The following SCAF8 variants were observed in gnomAD, a reference collection of about 807,000 sequenced individuals.
SCAF8 encodes the protein SR-related and CTD-associated factor 8.
In SCAF8, 23 loss-of-function variants were observed where a neutral mutation model predicts 140.5. That is an observed-to-expected ratio of 0.16 (90% confidence interval 0.12 to 0.23). The LOEUF is 0.23. Among genes scored for constraint, SCAF8 ranks in the 10% least tolerant of loss-of-function variants. SCAF8 has a pLI of 1.00. For missense variants in SCAF8, 1,397 were observed against 1,555.7 expected, an observed-to-expected ratio of 0.90 and a Z score of 1.72; for synonymous variants, 575 against 528.9, an observed-to-expected ratio of 1.09 and a Z score of -1.20.
At chr6:154,767,501 G>T (rs2114835030) in intron 1 of SCAF8, among the ~76,000 whole-genome samples, 2 of 138,924 alleles carry the variant, frequency 1.4e-5, no homozygotes, top group Admixed American at 1.4e-4. Flanking sequence ...GTTGCCTCTT[G>T]TTTGGCAGAA....
chr6:154,787,341 T>C (rs1298557907), intron 3 of SCAF8, among the ~76,000 whole-genome samples: 1 of 152,166 alleles, frequency 6.6e-6, no homozygotes, highest in East Asian at 1.9e-4. Context: ...CTGGATGACA[T>C]AGGATAGATC....
At position 154,798,985 on chromosome 6, in the gene SCAF8, TTTA is replaced by T. The variant is rs568396994; in HGVS notation, c.607-2977_607-2975del. On this transcript the variant is annotated intron_variant, in intron 6 of 19. Coordinates refer to ENST00000367178, the MANE Select transcript of SCAF8 (RefSeq NM_014892.5). Reference sequence around the variant, plus strand: ...GGTTAATTTTTTATTTTTATTTTATTTTATTATTATTTTTTGACATGGAGTCTT... The same window carrying T: ...GGTTAATTTTTTATTTTTATTTTATTTTATTATTTTTTGACATGGAGTCTT... 9.4e-4 allele frequency among the ~76,000 whole-genome samples: 141 copies of T among 150,528 alleles called. 2 individuals are homozygous for T. The highest frequency in any genetic ancestry group is 3.2e-3 in the African/African-American group (131 of 41,282).
Position 154,834,090 on chromosome 6 carries a change from C to T in SCAF8, c.*695C>T, listed in dbSNP as rs1048413943. 1 of 152,070 alleles carries T rather than the reference C, an allele frequency of 6.6e-6. No individual in the cohort carries two copies. The highest frequency in any genetic ancestry group is 1.5e-5 in the Non-Finnish European group (1 of 68,000). 9.4% of individuals were successfully genotyped at this position (152,070 alleles called of 1,614,324 possible). ...GTTCTAGGAATTGTATTTTTTTAAC[C>T]TATAAATTCTTAAAACCTTGAATTA... On this transcript the variant is annotated 3_prime_UTR_variant, in exon 20 of 20. Transcript: ENST00000367178.
chr6:154,735,303 C>G (rs774620046), intron 1 of SCAF8, among the ~76,000 whole-genome samples: 3 of 151,884 alleles, frequency 2.0e-5, no homozygotes, highest in African/African-American at 4.8e-5. Flanking sequence ...TAGGACAGTA[C>G]TTTTAAATGC....
intron 2 of SCAF8, among the ~76,000 whole-genome samples, chr6:154,775,000 GAT>G (rs1257263611): frequency 6.6e-6 from 1 of 152,108 alleles, no homozygotes; most frequent in African/African-American, 2.4e-5. Flanking sequence ...AATATTCAGT[GAT>G]ATGTTTTCCT....
At chr6:154,800,207 G>T (rs746352854) in intron 6 of SCAF8, among the ~76,000 whole-genome samples, 5 of 150,798 alleles carry the variant, frequency 3.3e-5, no homozygotes, top group East Asian at 3.9e-4. Flanking sequence ...TAATTACTTG[G>T]TTTTTTTTCT....
chr6:154,808,593 C>G (rs551110260), intron 10 of SCAF8, 93 bp from the exon 11 acceptor site: 2 of 801,250 alleles, frequency 2.5e-6, no homozygotes, highest in African/African-American at 3.4e-5. Context: ...CATTAATGCT[C>G]CCATCGTCAA....
At chr6:154,741,567 C>T (rs781259841) in intron 1 of SCAF8, among the ~76,000 whole-genome samples, 10 of 152,062 alleles carry the variant, frequency 6.6e-5, no homozygotes, top group Non-Finnish European at 1.2e-4. Context: ...CCACCACACC[C>T]GGCTAATTTT....
At chr6:154,770,388 A>ACTCTCTCTCTCTCTCTCTCTCTCT (rs58596375) in intron 1 of SCAF8, among the ~76,000 whole-genome samples, 4 of 141,918 alleles carry the variant, frequency 2.8e-5, no homozygotes, top group African/African-American at 1.0e-4. Context: ...ACACACACAC[A>ACTCTCTCTCTCTCTCTCTCTCTCT]CTCTCTCTCT....
chr6:154,778,546 C>G (rs2351850), intron 3 of SCAF8, among the ~76,000 whole-genome samples: 33,034 of 152,096 alleles, frequency 0.22, 4,284 homozygotes, highest in East Asian at 0.64. Context: ...GGGTGGATCA[C>G]TTGAGGCCAG....
At chr6:154,803,718 T>G in intron 8 of SCAF8, 95 bp downstream of exon 8, 1 of 737,926 alleles carries the variant, frequency 1.4e-6, no homozygotes, top group Admixed American at 2.4e-5. Flanking sequence ...GGGATTATTA[T>G]TTCAAGCTGT....
At chr6:154,802,204 C>A in intron 7 of SCAF8, 57 bp downstream of exon 7, 1 of 1,027,340 alleles carries the variant, frequency 9.7e-7, no homozygotes, top group Non-Finnish European at 1.4e-6. Context: ...TATATACTAT[C>A]ATGGATTTTA....
intron 1 of SCAF8, among the ~76,000 whole-genome samples, chr6:154,749,401 T>G (rs1367463962): frequency 1.3e-5 from 2 of 152,100 alleles, no homozygotes; most frequent in East Asian, 3.9e-4. Flanking sequence ...GCTGGTTGTT[T>G]GAGCTTTGTT....
intron 1 of SCAF8, among the ~76,000 whole-genome samples, chr6:154,739,675 ATTAATCT>A (rs1778518302): frequency 6.6e-6 from 1 of 152,320 alleles, no homozygotes; most frequent in South Asian, 2.1e-4. Context: ...TTTTGGATAG[ATTAATCT>A]TTAAACTGTT....
intron 6 of SCAF8, among the ~76,000 whole-genome samples, chr6:154,800,028 C>T (rs1346638639): frequency 1.3e-5 from 2 of 151,278 alleles, no homozygotes; most frequent in Non-Finnish European, 3.0e-5. Context: ...TTAAGTGATC[C>T]GCCCGCCTCG....
At position 154,831,484 on chromosome 6, in the gene SCAF8, A is replaced by G. The variant is rs1285623890; in HGVS notation, c.2359+344A>G. ...CAAGTATTGGGTGTGAGTAACTTCT[A>G]TCGGGAACTTACTTCTAATAGGTAT... On this transcript the variant is annotated intron_variant, in intron 19 of 19. Transcript: ENST00000367178. Among the ~76,000 whole-genome samples the G allele has an allele frequency of 4.6e-5, 7 of 152,164 alleles. No individual in the cohort carries two copies. The East Asian group carries it at 7.7e-4, about 17-fold the overall frequency.
intron 12 of SCAF8, among the ~76,000 whole-genome samples, chr6:154,812,856 G>A (rs1016582210): frequency 6.6e-6 from 1 of 152,080 alleles, no homozygotes; most frequent in Non-Finnish European, 1.5e-5. Context: ...ACAGAACAGA[G>A]TTCAGGGAGA....
At chr6:154,772,367 T>G (rs1237399135) in intron 1 of SCAF8, among the ~76,000 whole-genome samples, 4 of 152,170 alleles carry the variant, frequency 2.6e-5, no homozygotes, top group African/African-American at 9.7e-5. Context: ...ATTCTTTCCC[T>G]TTGCTTATAT....
intron 1 of SCAF8, among the ~76,000 whole-genome samples, chr6:154,754,661 AGCTC>A (rs1390235413): frequency 6.6e-6 from 1 of 152,160 alleles, no homozygotes; most frequent in Non-Finnish European, 1.5e-5. Flanking sequence ...TTTCTCATGC[AGCTC>A]CCTGTCTCTT....
Sources: gnomAD v4.1 joint callset for allele counts (sites outside exome capture counted in the v4.1 genomes callset) on GRCh38, gnomAD v4.1.1 for gene constraint, MANE v1.5 for transcripts, NCBI Gene and HGNC (gene_info 2026-07-23, HGNC 2026-07-21) for gene names.